The following RALGAPB variants were observed in gnomAD, a reference collection of about 807,000 sequenced individuals.
The protein encoded by RALGAPB is Ral GTPase activating protein non-catalytic subunit beta.
Under a neutral mutation model 161.1 loss-of-function variants are expected in RALGAPB, and 25 were observed. The ratio of observed to expected loss-of-function variants is 0.16; its 90% CI spans 0.11 to 0.22. The LOEUF is 0.22. RALGAPB is among the 10% of genes least tolerant of loss of function. The probability of loss-of-function intolerance (pLI) is 1.00; values close to 1 mark genes in which losing one functional copy is unlikely to be tolerated. For synonymous variants in RALGAPB, 629 were observed against 626.1 expected, an observed-to-expected ratio of 1.00 and a Z score of -0.07; for missense variants, 1,391 against 1,815.2, an observed-to-expected ratio of 0.77 and a Z score of 4.25.
chr20:38,479,374 A>G (rs910681808), intron 1 of RALGAPB, among the ~76,000 whole-genome samples: 1 of 152,242 alleles, frequency 6.6e-6, no homozygotes, highest in African/African-American at 2.4e-5. Flanking sequence ...TGCTTGTTGC[A>G]TAGAAGGCAT....
rs762407607 is a variant in RALGAPB at position 38,553,991 on chromosome 20, G to A, written c.3287G>A (p.Cys1096Tyr). 4 of 1,613,692 alleles carry A rather than the reference G, an allele frequency of 2.5e-6. No individual in the cohort carries two copies. Among genetic ancestry groups the A allele is most frequent in the Non-Finnish European group, 2.5e-6 (3 of 1,179,876 alleles). Residue 1096 changes from cysteine (C) to tyrosine (Y), a missense_variant, in exon 22 of 30, where the codon TGC becomes TAC. This residue lies in a region of RALGAPB where 436 missense variants were observed against 527.0 expected (regional missense o/e 0.83). Coordinates refer to ENST00000262879, the MANE Select transcript of RALGAPB (RefSeq NM_020336.4). ...KRSFPDPVTD[C>Y]KPPPPAQEFQ... is the part of the protein sequence containing the mutation. ...AGTTTTCCTGACCCAGTTACGGATT[G>A]CAAGCCCCCGCCTCCTGCCCAGGAA... is the stretch of plus-strand genomic sequence containing the variant.
At chr20:38,530,392 C>G (rs1010765075) in intron 13 of RALGAPB, among the ~76,000 whole-genome samples, 1 of 151,914 alleles carries the variant, frequency 6.6e-6, no homozygotes, top group African/African-American at 2.4e-5. Context: ...TGTTTGTGTA[C>G]GTAAGTTTTT....
Position 38,531,230 on chromosome 20 carries a change from T to C in RALGAPB, c.2114T>C (p.Met705Thr). 1 of 1,598,414 alleles carries C rather than the reference T, an allele frequency of 6.3e-7. No individual in the cohort carries two copies. Reference protein sequence around the residue: ...LLEAIGCQMEMGGGENNLKSH... With the variant: ...LLEAIGCQMETGGGENNLKSH... ...GAAGCCATTGGTTGCCAGATGGAGA[T>C]GGTAAGAAGCATACATGCAATCTGT... Residue 705 changes from methionine (M) to threonine (T), a missense_variant and splice_region_variant, in exon 14 of 30, where the codon ATG becomes ACG. Transcript: ENST00000262879.
chr20:38,561,240 C>T (rs1013006803), intron 23 of RALGAPB, among the ~76,000 whole-genome samples: 1 of 152,180 alleles, frequency 6.6e-6, no homozygotes, highest in Non-Finnish European at 1.5e-5. Context: ...AGGAGAATGG[C>T]GTGAACCCGG....
intron 16 of RALGAPB, among the ~76,000 whole-genome samples, chr20:38,537,596 CT>C: frequency 6.6e-6 from 1 of 152,204 alleles, no homozygotes; most frequent in Admixed American, 6.5e-5. Flanking sequence ...TTTAAAACTG[CT>C]GTTCTTTAGT....
chr20:38,570,820 C>A lies in RALGAPB; in HGVS notation c.4115C>A (p.Thr1372Asn). ...ACAGAGATCAGTACTGGTGTGGAAACTACTGCAAATAGTAGCACTTCACTG... is the reference window on the plus strand; with the variant it reads ...ACAGAGATCAGTACTGGTGTGGAAAATACTGCAAATAGTAGCACTTCACTG... The part of the protein sequence containing the change: ...LMTEISTGVE[T>N]TANSSTSLRS... Residue 1372 changes from threonine (T) to asparagine (N), a missense_variant, in exon 28 of 30, where the codon ACT (threonine) becomes AAT (asparagine). Transcript: ENST00000262879. 3 of 1,609,040 alleles carry A rather than the reference C, an allele frequency of 1.9e-6. No individual in the cohort carries two copies. The highest frequency in any genetic ancestry group is 2.6e-6 in the Non-Finnish European group (3 of 1,176,124).
chr20:38,494,109 A>G (rs1018177513), intron 3 of RALGAPB, among the ~76,000 whole-genome samples: 7 of 152,158 alleles, frequency 4.6e-5, no homozygotes, highest in African/African-American at 9.7e-5. Context: ...CTCTGAACCT[A>G]TATGATACTT....
intron 27 of RALGAPB, 25 bp from the exon 28 acceptor site, chr20:38,570,737 ATATTAAT>A (rs2088200667): frequency 7.5e-7 from 1 of 1,333,022 alleles, no homozygotes; most frequent in Admixed American, 1.8e-5. Context: ...AATGAGGGAG[ATATTAAT>A]TGTAATGCTA....
chr20:38,499,734 A>G, intron 5 of RALGAPB, 101 bp downstream of exon 5: 2 of 1,169,716 alleles, frequency 1.7e-6, no homozygotes, highest in Non-Finnish European at 2.3e-6. Flanking sequence ...GTCTGTTATT[A>G]CTGTACTTTA....
intron 6 of RALGAPB, among the ~76,000 whole-genome samples, chr20:38,511,436 T>A (rs1022642429): frequency 6.6e-6 from 1 of 151,814 alleles, no homozygotes; most frequent in Non-Finnish European, 1.5e-5. Context: ...CAGATAAACA[T>A]GTGAACAAAG....
chr20:38,537,858 G>T (rs749853690), intron 16 of RALGAPB: 2 of 152,172 alleles, frequency 1.3e-5, no homozygotes, highest in Non-Finnish European at 2.9e-5. Context: ...GACTACTCTG[G>T]AGCTGAGGTC....
At position 38,493,272 on chromosome 20, in the gene RALGAPB, T is replaced by C. The variant is rs564874103; in HGVS notation, c.389+140T>C. Reference sequence around the variant, plus strand: ...TGTTCAGTTAAAGATTGTATTAATGTGAATGTTAGGAGAGATGGGCTTATG... The same window carrying C: ...TGTTCAGTTAAAGATTGTATTAATGCGAATGTTAGGAGAGATGGGCTTATG... On this transcript the variant is annotated intron_variant, in intron 3 of 29. Coordinates refer to ENST00000262879, the MANE Select transcript of RALGAPB (RefSeq NM_020336.4). The C allele has an allele frequency of 5.2e-5, 36 of 690,096 alleles. No individual in the cohort carries two copies. In the East Asian group the frequency reaches 9.9e-4, roughly 19 times the overall value. 42.7% of individuals were successfully genotyped at this position (690,096 alleles called of 1,614,324 possible). A position where few individuals can be genotyped will look rare whatever the true frequency, so the allele number is the denominator to read the frequency against.
At chr20:38,525,814 C>G in intron 12 of RALGAPB, 81 bp from the exon 13 acceptor site, 1 of 1,398,252 alleles carries the variant, frequency 7.2e-7, no homozygotes, top group Non-Finnish European at 9.9e-7. Context: ...TTATACTGAT[C>G]CGTTCCTCCA....
chr20:38,473,927 A>T lies in RALGAPB; in HGVS notation c.-31+858A>T, dbSNP rs2122792595. Among the ~76,000 whole-genome samples, 2 of 152,274 alleles carry T rather than the reference A, an allele frequency of 1.3e-5. 1 individual carries two copies. Among genetic ancestry groups the T allele is most frequent in the Admixed American group, 1.3e-4 (2 of 15,288 alleles). On this transcript the variant is annotated intron_variant, in intron 1 of 29. Coordinates refer to ENST00000262879, the MANE Select transcript of RALGAPB (RefSeq NM_020336.4). Reference sequence around the variant, plus strand: ...TTGATAATTCTGCATCTCAAAAAGCATCTCTCTTTCTCCAGCTTAAGTGTG... The same window carrying T: ...TTGATAATTCTGCATCTCAAAAAGCTTCTCTCTTTCTCCAGCTTAAGTGTG...
At chr20:38,570,886 T>C (rs1209265229) in intron 28 of RALGAPB, 39 bp downstream of exon 28, 1 of 1,310,468 alleles carries the variant, frequency 7.6e-7, no homozygotes, top group East Asian at 2.3e-5. Flanking sequence ...GCGTGTCTTT[T>C]TTTAACATAT....
chr20:38,533,902 G>T (rs2086726647), intron 15 of RALGAPB, among the ~76,000 whole-genome samples: 1 of 151,664 alleles, frequency 6.6e-6, no homozygotes, highest in Admixed American at 6.6e-5. Flanking sequence ...ACTTTGGGAG[G>T]CCAAGGTGGG....
chr20:38,559,267 C>T (rs2087703765), intron 23 of RALGAPB, among the ~76,000 whole-genome samples: 1 of 152,236 alleles, frequency 6.6e-6, no homozygotes, highest in Non-Finnish European at 1.5e-5. Context: ...CTCAGCATCC[C>T]AGGATATAGA....
chr20:38,489,868 C>T (rs188498777), intron 2 of RALGAPB, among the ~76,000 whole-genome samples: 3 of 152,302 alleles, frequency 2.0e-5, no homozygotes, highest in Admixed American at 2.0e-4. Flanking sequence ...TGTTTCTCTT[C>T]CTGGTGCGTT....
intron 20 of RALGAPB, among the ~76,000 whole-genome samples, chr20:38,550,392 T>G (rs1374733216): frequency 6.6e-6 from 1 of 152,220 alleles, no homozygotes; most frequent in African/African-American, 2.4e-5. Flanking sequence ...CTAAAATCAT[T>G]TAATATCTTA....
Sources: gnomAD v4.1 joint callset for allele counts (sites outside exome capture counted in the v4.1 genomes callset) on GRCh38, gnomAD v4.1.1 for gene constraint, gnomAD v4.1.1 regional missense constraint, MANE v1.5 for transcripts, NCBI Gene and HGNC (gene_info 2026-07-23, HGNC 2026-07-21) for gene names.